Variants in NIBAN1 observed in about 807,000 individuals in gnomAD.
The protein encoded by NIBAN1 is protein Niban 1.
NIBAN1 carries 81 observed loss-of-function variants against 75.1 expected under a neutral mutation model. The observed-to-expected ratio is 1.08, with a 90% CI of 0.90 to 1.30. The LOEUF (loss-of-function observed/expected upper bound fraction) is 1.30. NIBAN1 is among the 50% of genes most tolerant of loss of function. The pLI is 0.00. For missense variants in NIBAN1, 1,133 were observed against 1,128.1 expected (o/e 1.00, Z -0.06); for synonymous variants, 436 against 424.8 (o/e 1.03, Z -0.32).
At chr1:184,816,514 A>T (rs1654539999) in intron 9 of NIBAN1, among the ~76,000 whole-genome samples, 1 of 152,208 alleles carries the variant, frequency 6.6e-6, no homozygotes, top group South Asian at 2.1e-4. Flanking sequence ...AAAATTTTAA[A>T]TGGGAGGCCA....
At chr1:184,921,543 A>T (rs1173361714) in intron 1 of NIBAN1, among the ~76,000 whole-genome samples, 1 of 152,236 alleles carries the variant, frequency 6.6e-6, no homozygotes, top group Non-Finnish European at 1.5e-5. Context: ...TGTGCTTTTA[A>T]GACATATTTC....
At chr1:184,889,084 G>C (rs1160949843) in intron 4 of NIBAN1, among the ~76,000 whole-genome samples, 1 of 152,160 alleles carries the variant, frequency 6.6e-6, no homozygotes, top group Non-Finnish European at 1.5e-5. Context: ...CAAGAACCAA[G>C]TAATTACTAT....
intron 1 of NIBAN1, among the ~76,000 whole-genome samples, chr1:184,911,624 A>C (rs1657243962): frequency 6.6e-6 from 1 of 152,242 alleles, no homozygotes; most frequent in Non-Finnish European, 1.5e-5. Flanking sequence ...TCTACTGATT[A>C]AGAATCTGTT....
At chr1:184,930,300 C>A (rs1571582438) in intron 1 of NIBAN1, among the ~76,000 whole-genome samples, 1 of 152,258 alleles carries the variant, frequency 6.6e-6, no homozygotes, top group South Asian at 2.1e-4. Context: ...AGGTACACAG[C>A]TGAGAGAAAT....
chr1:184,908,923 G>A (rs999483804), intron 1 of NIBAN1, among the ~76,000 whole-genome samples: 13 of 152,112 alleles, frequency 8.5e-5, no homozygotes, highest in African/African-American at 2.7e-4. Context: ...CTTTTTCAGA[G>A]AGCATCACAG....
intron 1 of NIBAN1, among the ~76,000 whole-genome samples, chr1:184,973,030 A>C (rs935637110): frequency 1.6e-4 from 25 of 152,256 alleles, no homozygotes; most frequent in South Asian, 4.1e-4. Context: ...TAACACAAGC[A>C]TGTAGCCACA....
rs139993256 is a variant in NIBAN1, at chr1:184,805,999, C to T, written c.1393G>A (p.Glu465Lys). ...ATGGCAACTGCAGTTTTGGAGGCCT[C>T]TCCTTGGAGATGTGGGGAAAGCAAC... The part of the protein sequence containing the change: ...EQLLSPHLQG[E>K]ASKTAVAIEK... The change falls in exon 11 of 14, where the codon GAG becomes AAG. Residue 465 changes from glutamate (E) to lysine (K), a missense_variant. Transcript: ENST00000367511. The T allele has an allele frequency of 7.5e-4, 1,210 of 1,614,186 alleles. 4 individuals carry two copies. The highest frequency in any genetic ancestry group is 9.3e-4 in the Non-Finnish European group (1,093 of 1,180,018).
chr1:184,874,018 T>TA (rs910641523), intron 5 of NIBAN1, among the ~76,000 whole-genome samples: 13 of 152,128 alleles, frequency 8.5e-5, no homozygotes, highest in Non-Finnish European at 1.5e-4. Context: ...AGAGGGGTGT[T>TA]AAAGGAGCTA....
chr1:184,797,151 T>C (rs1433643860), intron 13 of NIBAN1, among the ~76,000 whole-genome samples: 2 of 151,118 alleles, frequency 1.3e-5, no homozygotes, highest in African/African-American at 4.9e-5. Flanking sequence ...TTTTTTTTTT[T>C]TTTTTTGAGA....
chr1:184,904,418 A>G (rs1442417361), intron 1 of NIBAN1, among the ~76,000 whole-genome samples: 4 of 152,210 alleles, frequency 2.6e-5, no homozygotes, highest in African/African-American at 7.2e-5. Context: ...AACTCTGTCC[A>G]TATAACTTAG....
rs143978116 is a variant in NIBAN1 at position 184,862,183 on chromosome 1, A to G, written c.601+22450T>C. Among the ~76,000 whole-genome samples the G allele has an allele frequency of 1.9e-3, 285 of 152,054 alleles. 1 individual carries two copies. Among genetic ancestry groups the G allele is most frequent in the African/African-American group, 6.6e-3 (275 of 41,478 alleles). ...CAGACCTTCCCTTGTTTATCTCCGA[A>G]TGCTCCCCCTGCCCGGTTAACAGCA... On this transcript the variant is annotated intron_variant, in intron 5 of 13. Coordinates refer to ENST00000367511, the MANE Select transcript of NIBAN1 (RefSeq NM_052966.4).
intron 1 of NIBAN1, among the ~76,000 whole-genome samples, chr1:184,928,759 T>A (rs1285575375): frequency 6.6e-6 from 1 of 152,192 alleles, no homozygotes; most frequent in Non-Finnish European, 1.5e-5. Context: ...CTTTGGTGCC[T>A]CTTTCAGTGA....
intron 1 of NIBAN1, among the ~76,000 whole-genome samples, chr1:184,929,658 A>G (rs1657772388): frequency 6.6e-6 from 1 of 152,178 alleles, no homozygotes; most frequent in Admixed American, 6.5e-5. Flanking sequence ...CTCTGAAAGT[A>G]TGTCTTTTTT....
chr1:184,863,010 G>A (rs1266114306), intron 5 of NIBAN1, among the ~76,000 whole-genome samples: 3 of 151,912 alleles, frequency 2.0e-5, no homozygotes, highest in Non-Finnish European at 2.9e-5. Context: ...TCCAGCCTCC[G>A]GAGGCACCCC....
chr1:184,810,517 G>GT (rs1309091579), intron 9 of NIBAN1, among the ~76,000 whole-genome samples: 2 of 152,208 alleles, frequency 1.3e-5, no homozygotes, highest in Non-Finnish European at 2.9e-5. Flanking sequence ...TGGATGAACT[G>GT]TAAGAGTCAG....
chr1:184,833,882 A>C (rs575614268), intron 5 of NIBAN1, among the ~76,000 whole-genome samples: 6 of 149,312 alleles, frequency 4.0e-5, no homozygotes, highest in Admixed American at 1.3e-4. Context: ...ATTATACTTT[A>C]AGTTCTAGGG....
In NIBAN1 at chr1:184,842,978, C is replaced by T. The variant is rs1348465928; in HGVS notation, c.602-11016G>A. The stretch of plus-strand genomic sequence containing the variant: ...CTTGAATGCTTAGCGTCTTGATGAC[C>T]TTGTTCCCTCCTTAGCAGGTTACAA... On this transcript the variant is annotated intron_variant, in intron 5 of 13. Coordinates refer to ENST00000367511, the MANE Select transcript of NIBAN1 (RefSeq NM_052966.4). 2.6e-5 allele frequency among the ~76,000 whole-genome samples: 4 copies of T among 152,170 alleles called. No individual in the cohort carries two copies. The East Asian group carries it at 5.8e-4, about 22-fold the overall frequency.
At chr1:184,865,745 A>G (rs1283053180) in intron 5 of NIBAN1, among the ~76,000 whole-genome samples, 3 of 152,218 alleles carry the variant, frequency 2.0e-5, no homozygotes, top group East Asian at 1.9e-4. Flanking sequence ...GCTAAGATTG[A>G]TTTTCATTAA....
At chr1:184,843,673 T>C (rs1214522408) in intron 5 of NIBAN1, among the ~76,000 whole-genome samples, 1 of 152,198 alleles carries the variant, frequency 6.6e-6, no homozygotes, top group Non-Finnish European at 1.5e-5. Context: ...ATGGGAAGAT[T>C]TGTATTCTAA....
Sources: gnomAD v4.1 joint callset for allele counts (sites outside exome capture counted in the v4.1 genomes callset) on GRCh38, gnomAD v4.1.1 for gene constraint, MANE v1.5 for transcripts, NCBI Gene and HGNC (gene_info 2026-07-23, HGNC 2026-07-21) for gene names.